SETMAR: variants seen among roughly 807,000 people sequenced by gnomAD.
SETMAR encodes the protein histone-lysine N-methyltransferase SETMAR.
SETMAR carries 44 observed loss-of-function variants against 58.4 expected under a neutral mutation model. That is an observed-to-expected ratio of 0.75 (90% confidence interval 0.59 to 0.97). SETMAR has a LOEUF of 0.97. Among genes scored for constraint, SETMAR ranks in the 50% least tolerant of loss-of-function variants. The pLI is 0.00. For missense variants in SETMAR, 903 were observed against 840.2 expected, an observed-to-expected ratio of 1.07 and a Z score of -0.92; for synonymous variants, 332 against 307.4, an observed-to-expected ratio of 1.08 and a Z score of -0.84.
At chr3:4,314,216 A>T (rs1698543125) in intron 2 of SETMAR, 1 of 167,864 alleles carries the variant, frequency 6.0e-6, no homozygotes, top group Non-Finnish European at 1.3e-5. Flanking sequence ...GTCAGTCGTG[A>T]TCTGACACCT....
intron 1 of SETMAR, among the ~76,000 whole-genome samples, chr3:4,308,605 T>C: frequency 6.6e-6 from 1 of 152,222 alleles, no homozygotes; most frequent in Non-Finnish European, 1.5e-5. Flanking sequence ...ATCTGAAGCC[T>C]AGCCAGTCAC....
chr3:4,309,309 T>C (rs1698314386), intron 1 of SETMAR, among the ~76,000 whole-genome samples: 1 of 152,202 alleles, frequency 6.6e-6, no homozygotes, highest in Non-Finnish European at 1.5e-5. Flanking sequence ...CTTCCCATCA[T>C]GACCTGAACT....
In SETMAR at chr3:4,316,618, CATCTT is replaced by C. The variant is rs1372115226; in HGVS notation, c.1428_1432del (p.Ser478TyrfsTer17). On this transcript the variant is annotated frameshift_variant, in exon 3 of 3. Transcript: ENST00000358065. LOFTEE classifies it high-confidence loss of function. ...CAAAAAAATCGTCGTTTTGAAGTGT[CATCTT>C]CTCTTATTCTACGCAACCACAACGA... is the stretch of plus-strand genomic sequence containing the variant. The C allele has an allele frequency of 1.9e-6, 3 of 1,551,108 alleles. No homozygotes were observed. The highest frequency in any genetic ancestry group is 2.4e-5 in the East Asian group (1 of 40,932).
At chr3:4,303,888 C>T in intron 1 of SETMAR, 1 of 1,259,520 alleles carries the variant, frequency 7.9e-7, no homozygotes, top group South Asian at 1.4e-5. Flanking sequence ...GCCGTGGGGC[C>T]TATTAATGGA....
At chr3:4,304,264 C>G (rs1340610299) in intron 1 of SETMAR, among the ~76,000 whole-genome samples, 1 of 152,230 alleles carries the variant, frequency 6.6e-6, no homozygotes, top group Non-Finnish European at 1.5e-5. Context: ...GCCTCAGCCT[C>G]CCGAGTAGCT....
chr3:4,310,176 C>T (rs1177426157), intron 1 of SETMAR, among the ~76,000 whole-genome samples: 3 of 152,168 alleles, frequency 2.0e-5, no homozygotes, highest in African/African-American at 4.8e-5. Flanking sequence ...ACCAAAAAGT[C>T]ATTATGCAGC....
chr3:4,306,196 A>G (rs1005697174), intron 1 of SETMAR, among the ~76,000 whole-genome samples: 4 of 152,154 alleles, frequency 2.6e-5, no homozygotes, highest in Non-Finnish European at 5.9e-5. Context: ...ATCTTGAGTC[A>G]TATTTTTCTT....
rs1279866817 is a variant in SETMAR at position 4,303,475 on chromosome 3, A to G, written c.105A>G (p.Glu35=). The change falls in exon 1 of 3, where the codon GAA becomes GAG. Residue 35 remains glutamate, a synonymous_variant. Coordinates refer to ENST00000358065, the MANE Select transcript of SETMAR (RefSeq NM_006515.4). ...AGCTGGATGTCGCGTGCGGCCAGGA[A>G]AACTTGCCGGTGGGCGCGTGGCCCC... ...TEQLDVACGQ[E]NLPVGAWPPG... The G allele has an allele frequency of 2.6e-6, 4 of 1,518,380 alleles. No homozygotes were observed. 94.1% of individuals were successfully genotyped at this position (1,518,380 alleles called of 1,614,324 possible). A position where few individuals can be genotyped will look rare whatever the true frequency, so the allele number is the denominator to read the frequency against.
chr3:4,303,861 T>TC, intron 1 of SETMAR: 2 of 1,312,854 alleles, frequency 1.5e-6, no homozygotes, highest in Non-Finnish European at 2.0e-6. Context: ...CTCAGGTGTC[T>TC]CTCACAGGTA....
chr3:4,312,783 T>C lies in SETMAR; in HGVS notation c.157-115T>C, dbSNP rs576302548. 54 of 1,229,744 alleles carry C rather than the reference T, an allele frequency of 4.4e-5. No individual in the cohort carries two copies. The African/African-American group carries it at 7.6e-4, about 17-fold the overall frequency. The allele number at this position is 1,229,744 out of a possible 1,614,324, so 76.2% of individuals were successfully genotyped here. A position where few individuals can be genotyped will look rare whatever the true frequency, so the allele number is the denominator to read the frequency against. On this transcript the variant is annotated intron_variant, in intron 1 of 2. Coordinates refer to ENST00000358065, the MANE Select transcript of SETMAR (RefSeq NM_006515.4). ...CTTAGTATGCTGTGTTTTGACAGTTTTGTCCTGTTTTTATATATGTTAGAA... is the reference window on the plus strand; with the variant it reads ...CTTAGTATGCTGTGTTTTGACAGTTCTGTCCTGTTTTTATATATGTTAGAA...
At chr3:4,308,897 G>C (rs1350041450) in intron 1 of SETMAR, among the ~76,000 whole-genome samples, 1 of 152,216 alleles carries the variant, frequency 6.6e-6, no homozygotes, top group Non-Finnish European at 1.5e-5. Context: ...AGTGAGCATG[G>C]ACCATGACAC....
chr3:4,310,772 T>C (rs935094411), intron 1 of SETMAR, among the ~76,000 whole-genome samples: 2 of 152,038 alleles, frequency 1.3e-5, no homozygotes, highest in African/African-American at 4.8e-5. Flanking sequence ...AAGTTATCCA[T>C]GTCAAAAAAA....
At chr3:4,306,972 C>G (rs980032856) in intron 1 of SETMAR, among the ~76,000 whole-genome samples, 1 of 152,200 alleles carries the variant, frequency 6.6e-6, no homozygotes, top group African/African-American at 2.4e-5. Context: ...GTCTCTGAAA[C>G]CAGCTTCAAA....
At chr3:4,303,658 G>C (rs953967069) in intron 1 of SETMAR, 132 bp downstream of exon 1, 1 of 1,442,406 alleles carries the variant, frequency 6.9e-7, no homozygotes, top group African/African-American at 1.5e-5. Flanking sequence ...GTTGGTGCGC[G>C]GGAATAGGTG....
chr3:4,316,524 C>A lies in SETMAR; in HGVS notation c.1333C>A (p.Arg445=). The change falls in exon 3 of 3, where the codon CGA becomes AGA. Residue 445 remains arginine (R), a synonymous_variant. Transcript: ENST00000358065. ...CAATGTCAACCATTCTACGGTCGTTCGACATTTGAAGCAAATTGGAAAGGT... is the reference window on the plus strand; with the variant it reads ...CAATGTCAACCATTCTACGGTCGTTAGACATTTGAAGCAAATTGGAAAGGT... ...ELNVNHSTVV[R]HLKQIGKVKK... 6.3e-7 allele frequency: 1 copy of A among 1,581,006 alleles called. No individual in the cohort carries two copies. The highest frequency in any genetic ancestry group is 1.2e-5 in the South Asian group (1 of 86,256).
chr3:4,303,417 A>G lies in SETMAR; in HGVS notation c.47A>G (p.Glu16Gly). The change falls in exon 1 of 3, where the codon GAG becomes GGG. Residue 16 changes from glutamate (E) to glycine (G), a missense_variant. Coordinates refer to ENST00000358065, the MANE Select transcript of SETMAR (RefSeq NM_006515.4). Reference protein sequence around the residue: ...AKTTRPCGMAEFKEKPEAPTE... With the variant: ...AKTTRPCGMAGFKEKPEAPTE... ...ACGACACGGCCTTGTGGGATGGCGGAGTTTAAGGAGAAGCCTGAGGCCCCG... is the reference window on the plus strand; with the variant it reads ...ACGACACGGCCTTGTGGGATGGCGGGGTTTAAGGAGAAGCCTGAGGCCCCG... 2 of 1,555,294 alleles carry G rather than the reference A, an allele frequency of 1.3e-6. No individual in the cohort carries two copies. Among genetic ancestry groups the G allele is most frequent in the Non-Finnish European group, 1.7e-6 (2 of 1,155,902 alleles).
chr3:4,303,393 C>T lies in SETMAR; in HGVS notation c.23C>T (p.Thr8Met). 6.4e-7 allele frequency: 1 copy of T among 1,559,070 alleles called. No homozygotes were observed. Among genetic ancestry groups the T allele is most frequent in the Non-Finnish European group, 8.6e-7 (1 of 1,156,314 alleles). The change falls in exon 1 of 3, where the codon ACG (threonine) becomes ATG (methionine). Residue 8 changes from threonine to methionine, a missense_variant. Physicochemically the swap from Thr to Met is moderately conservative, Grantham distance 81. Coordinates refer to ENST00000358065, the MANE Select transcript of SETMAR (RefSeq NM_006515.4). MFAEAAK[T>M]TRPCGMAEFK... ...TAAATGTTCGCGGAAGCGGCAAAGA[C>T]GACACGGCCTTGTGGGATGGCGGAG...
chr3:4,310,109 A>G (rs533402369), intron 1 of SETMAR, among the ~76,000 whole-genome samples: 28 of 152,352 alleles, frequency 1.8e-4, no homozygotes, highest in Non-Finnish European at 3.1e-4. Context: ...ACATACAGCA[A>G]AAATACTGTA....
At position 4,303,463 on chromosome 3, in the gene SETMAR, G is replaced by A. The variant is rs561278588; in HGVS notation, c.93G>A (p.Ala31=). 1.6e-5 allele frequency: 25 copies of A among 1,531,596 alleles called. No homozygotes were observed. The East Asian group carries it at 5.5e-4, about 34-fold the overall frequency. 94.9% of individuals were successfully genotyped at this position (1,531,596 alleles called of 1,614,324 possible). Reference sequence around the variant, plus strand: ...CCCCGACTGAGCAGCTGGATGTCGCGTGCGGCCAGGAAAACTTGCCGGTGG... The same window carrying A: ...CCCCGACTGAGCAGCTGGATGTCGCATGCGGCCAGGAAAACTTGCCGGTGG... ...PEAPTEQLDV[A]CGQENLPVGA... Residue 31 remains alanine (A), a synonymous_variant, in exon 1 of 3, where the codon GCG becomes GCA. Transcript: ENST00000358065.
Sources: allele counts gnomAD v4.1 joint callset (sites outside exome capture counted in the v4.1 genomes callset), GRCh38; gene constraint gnomAD v4.1.1; transcripts MANE v1.5; gene names NCBI Gene and HGNC (gene_info 2026-07-23, HGNC 2026-07-21).